The following HEATR5A variants were observed in gnomAD, a reference collection of about 807,000 sequenced individuals.
HEATR5A encodes HEAT repeat-containing protein 5A.
In HEATR5A, 178 loss-of-function variants were observed where a neutral mutation model predicts 218.8. That is an observed-to-expected ratio of 0.81 (90% CI 0.72 to 0.92). The LOEUF is 0.92. Ranked by LOEUF, HEATR5A falls within the 40% of genes least tolerant of loss-of-function variation. The pLI, the probability that HEATR5A is intolerant of heterozygous loss-of-function variation, is 0.00. For missense variants in HEATR5A, 2,420 were observed against 2,418.9 expected, an observed-to-expected ratio of 1.00 and a Z score of -0.01; for synonymous variants, 864 against 871.6, an observed-to-expected ratio of 0.99 and a Z score of 0.15.
chr14:31,296,159 A>G, intron 33 of HEATR5A, 96 bp from the exon 34 acceptor site: 1 of 892,638 alleles, frequency 1.1e-6, no homozygotes, highest in Non-Finnish European at 1.7e-6. Context: ...TTTGGTGTAC[A>G]CAACAGATAC....
At position 31,386,704 on chromosome 14, in the gene HEATR5A, C is replaced by A; in HGVS notation, c.1190-129G>T. 3 of 744,312 alleles carry A rather than the reference C, an allele frequency of 4.0e-6. No homozygotes were observed. Among genetic ancestry groups the A allele is most frequent in the Admixed American group, 2.8e-5 (1 of 35,312 alleles). 46.1% of individuals were successfully genotyped at this position (744,312 alleles called of 1,614,324 possible). A position where few individuals can be genotyped will look rare whatever the true frequency, so the allele number is the denominator to read the frequency against. On this transcript the variant is annotated intron_variant, in intron 8 of 35. Coordinates refer to ENST00000543095, the MANE Select transcript of HEATR5A (RefSeq NM_015473.4). ...CTTGATCTATATGAAATACTTGAGG[C>A]AATAACTAAAATGCTTAAATGGGGA...
chr14:31,383,492 T>A, intron 10 of HEATR5A, 29 bp downstream of exon 10: 3 of 1,579,358 alleles, frequency 1.9e-6, no homozygotes, highest in Non-Finnish European at 2.6e-6. Context: ...AAGCACCTCA[T>A]TATCATACAT....
At chr14:31,411,554 G>A (rs1415833418) in intron 1 of HEATR5A, among the ~76,000 whole-genome samples, 1 of 152,162 alleles carries the variant, frequency 6.6e-6, no homozygotes, top group Non-Finnish European at 1.5e-5. Flanking sequence ...GTGGGAAGAG[G>A]GGGAAATCCA....
At chr14:31,407,407 T>C (rs1021167619) in intron 1 of HEATR5A, among the ~76,000 whole-genome samples, 3 of 152,176 alleles carry the variant, frequency 2.0e-5, no homozygotes, top group Non-Finnish European at 2.9e-5. Flanking sequence ...TAGGGATTTT[T>C]ACCTACAAGA....
At position 31,333,427 on chromosome 14, in the gene HEATR5A, T is replaced by C. The variant is rs141126089; in HGVS notation, c.3367+4049A>G. On this transcript the variant is annotated intron_variant, in intron 22 of 35. Coordinates refer to ENST00000543095, the MANE Select transcript of HEATR5A (RefSeq NM_015473.4). ...TCATCACATCCGGCTAATTTTTGTA[T>C]TTTTAATAGAGATGGGGTTTCACCA... Among the ~76,000 whole-genome samples, 18 of 152,128 alleles carry C rather than the reference T, an allele frequency of 1.2e-4. No individual in the cohort carries two copies. In the East Asian group the frequency reaches 3.3e-3, roughly 28 times the overall value.
Position 31,395,245 on chromosome 14 carries a change from G to T in HEATR5A, c.551C>A (p.Ser184Tyr). The change falls in exon 5 of 36, where the codon TCC (serine) becomes TAC (tyrosine). Residue 184 changes from serine (S) to tyrosine (Y), a missense_variant. Transcript: ENST00000543095. ...CHRDVYKAAR[S>Y]CLTDRSMAVR... ...AGCCATGGATCTATCTGTCAAGCAG[G>T]ATCTAGCAGCTTTATAAACATCCCT... 3 of 1,533,862 alleles carry T rather than the reference G, an allele frequency of 2.0e-6. No individual in the cohort carries two copies. The highest frequency in any genetic ancestry group is 2.6e-6 in the Non-Finnish European group (3 of 1,145,066).
Position 31,313,032 on chromosome 14 carries a change from A to G in HEATR5A, c.4377T>C (p.Ala1459=). The part of the protein sequence containing the change: ...DLGTLSRLWL[A]ALQDFALLTL... ...TTAAAAGAGCAAAATCCTGAAGTGC[A>G]GCAAGCCAGAGTCTGCTTAGTGTGC... The change falls in exon 28 of 36, where the codon GCT becomes GCC. Residue 1459 remains alanine (A), a synonymous_variant. Coordinates refer to ENST00000543095, the MANE Select transcript of HEATR5A (RefSeq NM_015473.4). 1 of 1,614,064 alleles carries G rather than the reference A, an allele frequency of 6.2e-7. No individual in the cohort carries two copies. The highest frequency in any genetic ancestry group is 8.5e-7 in the Non-Finnish European group (1 of 1,179,888).
chr14:31,337,480 A>C lies in HEATR5A; in HGVS notation c.3363T>G (p.Thr1121=), dbSNP rs1367024671. Residue 1121 remains threonine (T), a synonymous_variant, in exon 22 of 36, where the codon ACT becomes ACG. Transcript: ENST00000543095. ...MLAKDSREEL[T]PDANIREVGL... is the part of the protein sequence containing the mutation. Reference sequence around the variant, plus strand: ...AATCTTGATCAAGAGAATTACCTGGAGTCAACTCTTCTCTGCTATCCTTAG... The same window carrying C: ...AATCTTGATCAAGAGAATTACCTGGCGTCAACTCTTCTCTGCTATCCTTAG... 1 of 1,550,042 alleles carries C rather than the reference A, an allele frequency of 6.5e-7. No homozygotes were observed. Among genetic ancestry groups the C allele is most frequent in the African/African-American group, 1.4e-5 (1 of 73,048 alleles).
Position 31,322,641 on chromosome 14 carries a change from G to T in HEATR5A, c.3787+924C>A, listed in dbSNP as rs529385340. Among the ~76,000 whole-genome samples the T allele has an allele frequency of 2.0e-5, 3 of 151,786 alleles. No homozygotes were observed. In the East Asian group the frequency reaches 5.8e-4, roughly 29 times the overall value. Reference sequence around the variant, plus strand: ...TGAGACAGCCTGGGCAACATAATAAGATCTCACTTCTACAGAAAAATTAAA... The same window carrying T: ...TGAGACAGCCTGGGCAACATAATAATATCTCACTTCTACAGAAAAATTAAA... On this transcript the variant is annotated intron_variant, in intron 24 of 35. Transcript: ENST00000543095.
At chr14:31,391,534 T>G (rs2030453421) in intron 6 of HEATR5A, among the ~76,000 whole-genome samples, 1 of 150,830 alleles carries the variant, frequency 6.6e-6, no homozygotes, top group Admixed American at 6.6e-5. Context: ...AAGGCTAATT[T>G]ATTATTAAAG....
intron 1 of HEATR5A, among the ~76,000 whole-genome samples, chr14:31,417,352 G>A (rs529395489): frequency 1.6e-4 from 24 of 152,264 alleles, no homozygotes; most frequent in African/African-American, 5.1e-4. Context: ...GAGGTCAGAA[G>A]ATGGGAGGCC....
Position 31,408,243 on chromosome 14 carries a change from C to A in HEATR5A, c.-74-5194G>T, listed in dbSNP as rs1595185435. Among the ~76,000 whole-genome samples the A allele has an allele frequency of 2.0e-5, 3 of 152,250 alleles. No individual in the cohort carries two copies. The South Asian group carries it at 6.2e-4, about 32-fold the overall frequency. ...TTATGCTTTTCAAATTGGGATAACT[C>A]CAGCATTGTGCCAACAGATTATGAA... On this transcript the variant is annotated intron_variant, in intron 1 of 35. Transcript: ENST00000543095.
Position 31,364,208 on chromosome 14 carries a change from T to C in HEATR5A, c.2052A>G (p.Leu684=), listed in dbSNP as rs1249390278. 1.3e-6 allele frequency: 2 copies of C among 1,526,638 alleles called. No individual in the cohort carries two copies. Among genetic ancestry groups the C allele is most frequent in the Middle Eastern group, 1.7e-4 (1 of 5,930 alleles). The allele number at this position is 1,526,638 out of a possible 1,614,324, so 94.6% of individuals were successfully genotyped here. A position where few individuals can be genotyped will look rare whatever the true frequency, so the allele number is the denominator to read the frequency against. The change falls in exon 14 of 36, where the codon TTA becomes TTG. Residue 684 remains leucine (L), a synonymous_variant. Transcript: ENST00000543095. ...RQRLYELLIL[L]PPETYEGNLC... The stretch of plus-strand genomic sequence containing the variant: ...ACATACCTTCATAGGTCTCAGGAGG[T>C]AATAAAATCAACAGTTCATAAAGTC...
At chr14:31,305,332 G>A (rs953243894) in intron 31 of HEATR5A, among the ~76,000 whole-genome samples, 155 bp from the exon 32 acceptor site, 6 of 152,032 alleles carry the variant, frequency 3.9e-5, no homozygotes, top group African/African-American at 1.2e-4. Flanking sequence ...GCATGATCTC[G>A]GCTCACTGCA....
intron 13 of HEATR5A, among the ~76,000 whole-genome samples, chr14:31,366,573 T>G (rs7149240): frequency 0.4 from 60,515 of 151,990 alleles, 12,274 homozygotes; most frequent in Non-Finnish European, 0.43. Flanking sequence ...TCTGCGTTCA[T>G]TAGGAGGGCA....
chr14:31,292,104 T>A lies in HEATR5A; in HGVS notation c.*1201A>T, dbSNP rs1186110997. 1 of 152,224 alleles carries A rather than the reference T, an allele frequency of 6.6e-6. No homozygotes were observed. The highest frequency in any genetic ancestry group is 6.5e-5 in the Admixed American group (1 of 15,276). The allele number at this position is 152,224 out of a possible 1,614,324, so 9.4% of individuals were successfully genotyped here. Reference sequence around the variant, plus strand: ...ATATTTTTCAACCAATATGACTTTATCATTAATCTTTTTTCTATAATAAAA... The same window carrying A: ...ATATTTTTCAACCAATATGACTTTAACATTAATCTTTTTTCTATAATAAAA... On this transcript the variant is annotated 3_prime_UTR_variant, in exon 36 of 36. Coordinates refer to ENST00000543095, the MANE Select transcript of HEATR5A (RefSeq NM_015473.4).
chr14:31,327,607 T>C (rs1900313974), intron 22 of HEATR5A, among the ~76,000 whole-genome samples: 2 of 152,136 alleles, frequency 1.3e-5, no homozygotes, highest in African/African-American at 4.8e-5. Context: ...AATTATTTTC[T>C]AGTTTTAAAA....
chr14:31,303,500 C>A (rs1189407290), intron 32 of HEATR5A, among the ~76,000 whole-genome samples: 1 of 152,138 alleles, frequency 6.6e-6, no homozygotes, highest in South Asian at 2.1e-4. Flanking sequence ...TAAGAAGCAT[C>A]TACTAGGTAC....
chr14:31,293,036 AAGTTT>A lies in HEATR5A; in HGVS notation c.*264_*268del, dbSNP rs1411479989. ...TTTTTAAAGCAGTGGATTGTTTAGT[AAGTTT>A]AGTTCTTTAGCACTTTCTTAAAATT... On this transcript the variant is annotated 3_prime_UTR_variant, in exon 36 of 36. Coordinates refer to ENST00000543095, the MANE Select transcript of HEATR5A (RefSeq NM_015473.4). 2.9e-6 allele frequency: 1 copy of A among 349,088 alleles called. No homozygotes were observed. Among genetic ancestry groups the A allele is most frequent in the African/African-American group, 2.1e-5 (1 of 47,288 alleles). The allele number at this position is 349,088 out of a possible 1,614,324, so 21.6% of individuals were successfully genotyped here.
Sources: gnomAD v4.1 joint callset for allele counts (sites outside exome capture counted in the v4.1 genomes callset) on GRCh38, gnomAD v4.1.1 for gene constraint, MANE v1.5 for transcripts, NCBI Gene and HGNC (gene_info 2026-07-23, HGNC 2026-07-21) for gene names.